The following KIF16B variants were observed in gnomAD, a reference collection of about 807,000 sequenced individuals.
The protein encoded by KIF16B is kinesin-like protein KIF16B.
KIF16B carries 98 observed loss-of-function variants against 156.3 expected under a neutral mutation model. The ratio of observed to expected loss-of-function variants is 0.63; its 90% confidence interval spans 0.53 to 0.74. The LOEUF (loss-of-function observed/expected upper bound fraction) is 0.74, where lower values mean the gene tolerates loss of function less well. KIF16B is among the 30% of genes least tolerant of loss of function. The probability of loss-of-function intolerance (pLI) is 0.00; values close to 1 mark genes in which losing one functional copy is unlikely to be tolerated. For missense variants in KIF16B, 1,421 were observed against 1,606.5 expected (o/e 0.88, Z 1.97); for synonymous variants, 564 against 583.7 (o/e 0.97, Z 0.49).
At chr20:16,329,993 G>GT (rs1447985235) in intron 24 of KIF16B, among the ~76,000 whole-genome samples, 3 of 152,066 alleles carry the variant, frequency 2.0e-5, no homozygotes, top group African/African-American at 4.8e-5. Context: ...AAAAATTTAG[G>GT]TTTTTTATTC....
intron 21 of KIF16B, 57 bp from the exon 22 acceptor site, chr20:16,370,693 G>A: frequency 2.4e-6 from 3 of 1,266,014 alleles, no homozygotes; most frequent in Middle Eastern, 2.2e-4. Flanking sequence ...ACGGGGCGGG[G>A]GACTGATTCG....
chr20:16,348,940 G>A (rs775846361), intron 23 of KIF16B, among the ~76,000 whole-genome samples: 1 of 152,214 alleles, frequency 6.6e-6, no homozygotes, highest in Non-Finnish European at 1.5e-5. Context: ...CCTCTGGGAT[G>A]ACAGCTAAGT....
intron 1 of KIF16B, among the ~76,000 whole-genome samples, chr20:16,546,915 T>C (rs1401362797): frequency 6.6e-6 from 1 of 152,098 alleles, no homozygotes; most frequent in African/African-American, 2.4e-5. Context: ...TAGCTGGGAT[T>C]ACAGATGCCC....
intron 15 of KIF16B, among the ~76,000 whole-genome samples, chr20:16,414,937 C>T (rs914296279): frequency 1.3e-5 from 2 of 152,048 alleles, no homozygotes; most frequent in Non-Finnish European, 1.5e-5. Context: ...CTAGGCTTTG[C>T]GTTAGATGAT....
intron 1 of KIF16B, among the ~76,000 whole-genome samples, chr20:16,571,346 C>A (rs972458317): frequency 4.6e-5 from 7 of 152,182 alleles, no homozygotes; most frequent in African/African-American, 1.7e-4. Flanking sequence ...ATCTTGACAC[C>A]ACCAGAGTTC....
intron 12 of KIF16B, among the ~76,000 whole-genome samples, chr20:16,476,827 C>T (rs2067828075): frequency 6.6e-6 from 1 of 152,224 alleles, no homozygotes; most frequent in Admixed American, 6.5e-5. Flanking sequence ...GGCTCAATCT[C>T]GGCTGACTGC....
chr20:16,337,302 T>C (rs760980565), intron 23 of KIF16B, among the ~76,000 whole-genome samples: 3 of 152,034 alleles, frequency 2.0e-5, no homozygotes, highest in Non-Finnish European at 4.4e-5. Context: ...CAGTAGAAAG[T>C]AGAAACAAGA....
chr20:16,415,681 C>T (rs1328831317), intron 15 of KIF16B, among the ~76,000 whole-genome samples: 1 of 152,154 alleles, frequency 6.6e-6, no homozygotes, highest in Non-Finnish European at 1.5e-5. Flanking sequence ...CAGTCTTAGA[C>T]ATTTCTTCAC....
At chr20:16,450,824 G>C (rs2146599657) in intron 12 of KIF16B, among the ~76,000 whole-genome samples, 1 of 152,284 alleles carries the variant, frequency 6.6e-6, no homozygotes, top group East Asian at 1.9e-4. Context: ...TCTGGATTTT[G>C]ATGACAGGAG....
intron 23 of KIF16B, among the ~76,000 whole-genome samples, chr20:16,346,803 T>C (rs1233697890): frequency 6.6e-6 from 1 of 152,196 alleles, no homozygotes; most frequent in African/African-American, 2.4e-5. Flanking sequence ...CCAACACCTC[T>C]GTGAAGCAGG....
intron 22 of KIF16B, 141 bp from the exon 23 acceptor site, chr20:16,356,593 G>T: frequency 1.1e-6 from 1 of 897,228 alleles, no homozygotes; most frequent in Non-Finnish European, 1.7e-6. Context: ...TTAGAAAAAT[G>T]ATGGTTTCCT....
intron 12 of KIF16B, among the ~76,000 whole-genome samples, chr20:16,449,110 G>T (rs989713702): frequency 6.6e-6 from 1 of 152,072 alleles, no homozygotes; most frequent in Admixed American, 6.6e-5. Flanking sequence ...AATGGAAATT[G>T]TCAATGAAAC....
intron 1 of KIF16B, among the ~76,000 whole-genome samples, chr20:16,545,484 G>A (rs542267132): frequency 6.6e-6 from 1 of 152,194 alleles, no homozygotes; most frequent in South Asian, 2.1e-4. Flanking sequence ...GGCCAACATA[G>A]TGAAACCCCA....
intron 12 of KIF16B, among the ~76,000 whole-genome samples, chr20:16,430,941 A>G (rs2066482521): frequency 6.8e-6 from 1 of 147,502 alleles, no homozygotes; most frequent in Admixed American, 6.7e-5. Context: ...AAAAAAAACA[A>G]AAAACAAAAA....
At chr20:16,439,662 TG>T (rs1175639892) in intron 12 of KIF16B, among the ~76,000 whole-genome samples, 1 of 152,134 alleles carries the variant, frequency 6.6e-6, no homozygotes, top group African/African-American at 2.4e-5. Flanking sequence ...TGCCCAAGAC[TG>T]GGAAGAAAGA....
At chr20:16,468,893 T>C (rs984590349) in intron 12 of KIF16B, among the ~76,000 whole-genome samples, 2 of 152,112 alleles carry the variant, frequency 1.3e-5, no homozygotes, top group African/African-American at 4.8e-5. Context: ...AATTACACAT[T>C]CTTTTCACTG....
chr20:16,510,990 C>A (rs1454909902), intron 6 of KIF16B, among the ~76,000 whole-genome samples: 2 of 152,200 alleles, frequency 1.3e-5, no homozygotes, highest in Non-Finnish European at 2.9e-5. Flanking sequence ...TATCACAACA[C>A]AGATGCTGAA....
rs56000104 is a variant in KIF16B at position 16,514,585 on chromosome 20, A to G, written c.348+963T>C. ...CAGAGCTCTCACTAAGAAATAAGAA[A>G]AAAAAAAAAAAAAAAAAAAAACAGG... On this transcript the variant is annotated intron_variant, in intron 4 of 25. Coordinates refer to ENST00000354981, the MANE Select transcript of KIF16B (RefSeq NM_024704.5). Among the ~76,000 whole-genome samples the G allele has an allele frequency of 5.7e-3, 499 of 87,212 alleles. 17 individuals are homozygous for G. The highest frequency in any genetic ancestry group is 0.014 in the Middle Eastern group (2 of 138). The allele number at this position is 87,212 out of a possible 152,430, so 57.2% of individuals were successfully genotyped here. A position where few individuals can be genotyped will look rare whatever the true frequency, so the allele number is the denominator to read the frequency against.
At chr20:16,344,998 ACTGCTTCCTATTAC>A (rs2064205461) in intron 23 of KIF16B, among the ~76,000 whole-genome samples, 1 of 152,148 alleles carries the variant, frequency 6.6e-6, no homozygotes, top group Non-Finnish European at 1.5e-5. Flanking sequence ...CTCCTTCTGC[ACTGCTTCCTATTAC>A]CAAGTCATCA....
Sources: gnomAD v4.1 joint callset for allele counts (sites outside exome capture counted in the v4.1 genomes callset) on GRCh38, gnomAD v4.1.1 for gene constraint, MANE v1.5 for transcripts, NCBI Gene and HGNC (gene_info 2026-07-23, HGNC 2026-07-21) for gene names.